The following OCA2 variants were observed in gnomAD, a reference collection of about 807,000 sequenced individuals.
OCA2 encodes the protein P protein.
Under a neutral mutation model 100.2 loss-of-function variants are expected in OCA2, and 77 were observed. The ratio of observed to expected loss-of-function variants is 0.77; its 90% confidence interval spans 0.64 to 0.93. OCA2 has a LOEUF of 0.93. Ranked by LOEUF, OCA2 falls within the 40% of genes least tolerant of loss-of-function variation. The pLI is 0.00. For missense variants in OCA2, 1,062 were observed against 1,089.1 expected (o/e 0.98, Z 0.35); for synonymous variants, 432 against 439.2 (o/e 0.98, Z 0.21).
chr15:27,794,295 G>C (rs1050635491), intron 23 of OCA2, among the ~76,000 whole-genome samples: 10 of 152,130 alleles, frequency 6.6e-5, no homozygotes, highest in African/African-American at 2.4e-4. Context: ...ACAGGATGTG[G>C]CTCATTGTCC....
chr15:27,799,751 A>AAG (rs112903819), intron 23 of OCA2, among the ~76,000 whole-genome samples: 81,341 of 151,342 alleles, frequency 0.54, 22,430 homozygotes, highest in South Asian at 0.76. Flanking sequence ...TCTAAAAAAA[A>AAG]AAAAAAAAAC....
intron 23 of OCA2, among the ~76,000 whole-genome samples, chr15:27,800,011 C>A (rs890062054): frequency 1.3e-5 from 2 of 152,152 alleles, no homozygotes; most frequent in African/African-American, 4.8e-5. Flanking sequence ...GTATCTTACC[C>A]AGCCACATGG....
chr15:27,870,159 G>A (rs962458549), intron 21 of OCA2, among the ~76,000 whole-genome samples: 2 of 152,194 alleles, frequency 1.3e-5, no homozygotes, highest in African/African-American at 2.4e-5. Flanking sequence ...CCAGCCCGGG[G>A]GTGCCATTGT....
At chr15:27,896,433 T>C (rs2037692072) in intron 19 of OCA2, 4 of 693,102 alleles carry the variant, frequency 5.8e-6, no homozygotes, top group Non-Finnish European at 1.1e-5. Flanking sequence ...TGCTGCTATA[T>C]GAGAGAATCC....
chr15:27,737,022 C>A, the OCA2 span, among the ~76,000 whole-genome samples: 15 of 151,998 alleles, frequency 9.9e-5, no homozygotes, highest in African/African-American at 3.6e-4. Flanking sequence ...CCAACACATA[C>A]AAAAAAATCA....
intron 19 of OCA2, among the ~76,000 whole-genome samples, chr15:27,884,856 T>G (rs1369912104): frequency 6.6e-6 from 1 of 152,200 alleles, no homozygotes; most frequent in Non-Finnish European, 1.5e-5. Flanking sequence ...CTCTTTCTGC[T>G]GTTTATTTCC....
At chr15:27,904,342 A>G (rs2038085662) in intron 19 of OCA2, among the ~76,000 whole-genome samples, 1 of 152,164 alleles carries the variant, frequency 6.6e-6, no homozygotes, top group Non-Finnish European at 1.5e-5. Flanking sequence ...AAGACTCCCG[A>G]CCATGCTGGG....
At chr15:27,989,239 C>T (rs1567199456) in intron 11 of OCA2, among the ~76,000 whole-genome samples, 1 of 152,196 alleles carries the variant, frequency 6.6e-6, no homozygotes, top group East Asian at 1.9e-4. Flanking sequence ...AGGAGTGACA[C>T]CTTCCTTTAT....
chr15:27,997,496 G>A (rs1435942861), intron 9 of OCA2, among the ~76,000 whole-genome samples: 6 of 151,632 alleles, frequency 4.0e-5, no homozygotes, highest in East Asian at 1.9e-4. Context: ...GTAGATATGC[G>A]GCGTTATTTC....
intron 16 of OCA2, 63 bp from the exon 17 acceptor site, chr15:27,955,278 C>A (rs372000692): frequency 1.7e-5 from 20 of 1,186,012 alleles, no homozygotes; most frequent in Non-Finnish European, 2.5e-5. Flanking sequence ...GATCGCGGAG[C>A]AGCAGTCCCC....
chr15:27,961,869 G>A lies in OCA2; in HGVS notation c.1637-4134C>T, dbSNP rs971360539. ...TGCAGATGACAGGTTCATGGGTGCA[G>A]CAAACCACCATGGCATGTGTATACC... On this transcript the variant is annotated intron_variant, in intron 15 of 23. Transcript: ENST00000354638. 2.6e-5 allele frequency among the ~76,000 whole-genome samples: 4 copies of A among 152,084 alleles called. No homozygotes were observed. In the South Asian group the frequency reaches 6.2e-4, roughly 24 times the overall value.
Position 27,951,889 on chromosome 15 carries a change from T to C in OCA2, c.1846A>G (p.Arg616Gly), listed in dbSNP as rs199980244. ...GCGAGCAGAATCCCGTCAGATATCC[T>C]ATGCTGTAAGAGAGAAACCACAGCT... ...TNIQELQKKH[R>G]ISDGILLAKC... The change falls in exon 18 of 24, where the codon AGG becomes GGG. Residue 616 changes from arginine (R) to glycine (G), a missense_variant. Physicochemically the swap from Arg to Gly is moderately radical, Grantham distance 125. Transcript: ENST00000354638. 8.7e-6 allele frequency: 14 copies of C among 1,608,426 alleles called. No homozygotes were observed. The highest frequency in any genetic ancestry group is 1.1e-5 in the Non-Finnish European group (13 of 1,174,842).
chr15:27,902,336 G>A (rs768184616), intron 19 of OCA2, among the ~76,000 whole-genome samples: 2 of 152,020 alleles, frequency 1.3e-5, no homozygotes, highest in South Asian at 2.1e-4. Context: ...ATGTATCAAC[G>A]ATTTGATTTA....
At chr15:27,893,526 A>C (rs2037554558) in intron 19 of OCA2, among the ~76,000 whole-genome samples, 1 of 152,162 alleles carries the variant, frequency 6.6e-6, no homozygotes. Flanking sequence ...TATATCACTA[A>C]ATTCTTTTCC....
intron 13 of OCA2, 46 bp downstream of exon 13, chr15:27,985,018 T>A: frequency 6.2e-7 from 1 of 1,611,768 alleles, no homozygotes; most frequent in Non-Finnish European, 8.5e-7. Flanking sequence ...AGCCCCTGCC[T>A]GCCAGAACCT....
the OCA2 span, among the ~76,000 whole-genome samples, chr15:27,725,059 T>C: frequency 6.6e-6 from 1 of 152,042 alleles, no homozygotes; most frequent in African/African-American, 2.4e-5. Flanking sequence ...AGATCAGGGA[T>C]CAGGAAAGGG....
intron 23 of OCA2, among the ~76,000 whole-genome samples, chr15:27,778,723 C>G (rs946754835): frequency 6.6e-6 from 1 of 152,136 alleles, no homozygotes; most frequent in African/African-American, 2.4e-5. Context: ...AAAAAGGAAA[C>G]TAGACCAAGT....
chr15:27,941,037 G>A (rs561758006), intron 18 of OCA2, among the ~76,000 whole-genome samples: 30 of 152,296 alleles, frequency 2.0e-4, no homozygotes, highest in Non-Finnish European at 4.0e-4. Context: ...CTGAAAGGAA[G>A]AATCTCTTGG....
In OCA2 at chr15:27,971,743, T is replaced by C. The variant is rs896363407; in HGVS notation, c.1504-4921A>G. On this transcript the variant is annotated intron_variant, in intron 14 of 23. Coordinates refer to ENST00000354638, the MANE Select transcript of OCA2 (RefSeq NM_000275.3). The stretch of plus-strand genomic sequence containing the variant: ...CGGAAAATGTGGACGAGTTTTCAGA[T>C]GTGACTTCTTTACTGTTCCAAACTC... Among the ~76,000 whole-genome samples the C allele has an allele frequency of 6.9e-4, 105 of 152,260 alleles. 1 individual carries two copies. Among genetic ancestry groups the C allele is most frequent in the African/African-American group, 2.2e-3 (93 of 41,476 alleles).
Sources: gnomAD v4.1 joint callset for allele counts (sites outside exome capture counted in the v4.1 genomes callset) on GRCh38, gnomAD v4.1.1 for gene constraint, MANE v1.5 for transcripts, NCBI Gene and HGNC (gene_info 2026-07-23, HGNC 2026-07-21) for gene names.